The following SCN10A variants were observed in gnomAD, a reference collection of about 807,000 sequenced individuals.
SCN10A encodes sodium voltage-gated channel alpha subunit 10.
SCN10A carries 162 observed loss-of-function variants against 170.7 expected under a neutral mutation model. That is an observed-to-expected ratio of 0.95 (90% CI 0.84 to 1.08). The LOEUF is 1.08. Ranked by LOEUF, SCN10A falls within the 50% of genes least tolerant of loss-of-function variation. The pLI is 0.00. For missense variants in SCN10A, 2,527 were observed against 2,436.9 expected (o/e 1.04, Z -0.78); for synonymous variants, 985 against 904.6 (o/e 1.09, Z -1.59).
intron 13 of SCN10A, 149 bp downstream of exon 13, chr3:38,749,924 G>A (rs138140385): frequency 2.3e-6 from 1 of 441,174 alleles, no homozygotes; most frequent in Non-Finnish European, 4.0e-6. Context: ...ATAAAAGATG[G>A]TGGGGCCTAA....
intron 4 of SCN10A, among the ~76,000 whole-genome samples, chr3:38,788,224 A>G (rs2064233245): frequency 6.8e-6 from 1 of 147,840 alleles, no homozygotes; most frequent in Non-Finnish European, 1.5e-5. Context: ...AGCAAAAAAA[A>G]AAAAAAAAAA....
intron 12 of SCN10A, among the ~76,000 whole-genome samples, chr3:38,751,604 G>C (rs1240303824): frequency 1.3e-5 from 2 of 152,222 alleles, no homozygotes; most frequent in Non-Finnish European, 2.9e-5. Flanking sequence ...TGAAACTGGA[G>C]GGGAGAGCTC....
chr3:38,727,881 T>C lies in SCN10A; in HGVS notation c.2640+661A>G, dbSNP rs7375036. On this transcript the variant is annotated intron_variant, in intron 16 of 27. Coordinates refer to ENST00000449082, the MANE Select transcript of SCN10A (RefSeq NM_006514.4). ...GGCGGAGAAGGGGTATTGGGGCTTA[T>C]TGGCAAGTGAGTCTCCAGAGGGGCT... Among the ~76,000 whole-genome samples, 992 of 152,232 alleles carry C rather than the reference T, an allele frequency of 6.5e-3. 37 individuals carry two copies. The highest frequency in any genetic ancestry group is 0.054 in the Admixed American group (833 of 15,300).
chr3:38,815,522 A>G (rs1408570428), intron 1 of SCN10A, among the ~76,000 whole-genome samples: 2 of 152,192 alleles, frequency 1.3e-5, no homozygotes, highest in African/African-American at 4.8e-5. Context: ...CTCTAACAAG[A>G]TAACTTGTTG....
intron 2 of SCN10A, among the ~76,000 whole-genome samples, chr3:38,792,701 A>G (rs1423199523): frequency 6.6e-6 from 1 of 152,180 alleles, no homozygotes; most frequent in Admixed American, 6.5e-5. Flanking sequence ...TCTGCTAGCC[A>G]TATTTGAGAT....
intron 22 of SCN10A, among the ~76,000 whole-genome samples, chr3:38,713,583 G>A (rs1253764191): frequency 6.6e-6 from 1 of 152,176 alleles, no homozygotes. Flanking sequence ...AGTCAGAGCA[G>A]GAAGTGAAGA....
intron 4 of SCN10A, among the ~76,000 whole-genome samples, chr3:38,777,977 T>C (rs2064096215): frequency 6.6e-6 from 1 of 152,136 alleles, no homozygotes; most frequent in Non-Finnish European, 1.5e-5. Flanking sequence ...GGATAATATC[T>C]TTATGGAATA....
intron 1 of SCN10A, among the ~76,000 whole-genome samples, chr3:38,809,098 GA>G (rs2064423669): frequency 6.6e-6 from 1 of 152,192 alleles, no homozygotes; most frequent in Admixed American, 6.5e-5. Context: ...GATCTTGTGA[GA>G]AAACTAAGAC....
chr3:38,752,612 G>A, intron 11 of SCN10A, 100 bp from the exon 12 acceptor site: 1 of 971,588 alleles, frequency 1.0e-6, no homozygotes, highest in Non-Finnish European at 1.5e-6. Flanking sequence ...CCCTGCCCCT[G>A]TCTTTATGAC....
chr3:38,799,187 G>A (rs1322751494), intron 1 of SCN10A, among the ~76,000 whole-genome samples: 1 of 152,124 alleles, frequency 6.6e-6, no homozygotes, highest in Non-Finnish European at 1.5e-5. Context: ...ACTAACCTGA[G>A]TGATGGCAGA....
At chr3:38,775,418 A>T (rs1420684012) in intron 4 of SCN10A, among the ~76,000 whole-genome samples, 1 of 152,186 alleles carries the variant, frequency 6.6e-6, no homozygotes, top group Non-Finnish European at 1.5e-5. Flanking sequence ...ATTCATTTTT[A>T]AAACTGAATG....
rs188826311 is a variant in SCN10A at position 38,741,353 on chromosome 3, G to A, written c.2106+938C>T. 4.2e-3 allele frequency among the ~76,000 whole-genome samples: 635 copies of A among 152,122 alleles called. 2 individuals carry two copies. The highest frequency in any genetic ancestry group is 0.014 in the African/African-American group (598 of 41,456). ...GTCTTGTGAGGTGGCTTAATTCAGG[G>A]GTTAAGAAAAGCGGGCTTGGCAGCC... On this transcript the variant is annotated intron_variant, in intron 14 of 27. Transcript: ENST00000449082.
At chr3:38,723,826 T>A (rs1559424073) in intron 18 of SCN10A, among the ~76,000 whole-genome samples, 1 of 152,126 alleles carries the variant, frequency 6.6e-6, no homozygotes. Flanking sequence ...AATCATGGAG[T>A]AATGCTGCAG....
At chr3:38,744,453 GT>G (rs2063666349) in intron 13 of SCN10A, among the ~76,000 whole-genome samples, 3 of 145,330 alleles carry the variant, frequency 2.1e-5, no homozygotes, top group African/African-American at 7.8e-5. Flanking sequence ...ATTTTTATTT[GT>G]TTTCTTTTTT....
At chr3:38,746,063 G>GTGTATATATATATGTGTGTGTATA (rs1293476818) in intron 13 of SCN10A, among the ~76,000 whole-genome samples, 130 of 61,670 alleles carry the variant, frequency 2.1e-3, no homozygotes, top group Middle Eastern at 0.013. Context: ...GTGTGTATGT[G>GTGTATATATATATGTGTGTGTATA]TATATATATA....
chr3:38,723,959 C>T (rs139026574), intron 18 of SCN10A, among the ~76,000 whole-genome samples: 49 of 152,290 alleles, frequency 3.2e-4, no homozygotes, highest in African/African-American at 1.1e-3. Flanking sequence ...AATGGTGGGG[C>T]GGGTCCCCAT....
chr3:38,792,196 C>T (rs889182683), intron 2 of SCN10A, 28 bp from the exon 3 acceptor site: 5 of 1,610,074 alleles, frequency 3.1e-6, no homozygotes, highest in Non-Finnish European at 4.2e-6. Context: ...AGAAAGTGGA[C>T]CTCCAATGAG....
At chr3:38,704,134 G>C (rs982939831) in intron 26 of SCN10A, among the ~76,000 whole-genome samples, 6 of 152,182 alleles carry the variant, frequency 3.9e-5, no homozygotes, top group Non-Finnish European at 7.3e-5. Context: ...GGGAGCCCAC[G>C]GGAGCTGCAC....
chr3:38,812,804 T>C (rs1021570329), intron 1 of SCN10A, among the ~76,000 whole-genome samples: 12 of 152,022 alleles, frequency 7.9e-5, no homozygotes, highest in Non-Finnish European at 1.5e-4. Flanking sequence ...GAGGCTGCAG[T>C]AGGAGGACCA....
Sources: allele counts gnomAD v4.1 joint callset (sites outside exome capture counted in the v4.1 genomes callset), GRCh38; gene constraint gnomAD v4.1.1; transcripts MANE v1.5; gene names NCBI Gene and HGNC (gene_info 2026-07-23, HGNC 2026-07-21).